RBFOX1: variants seen among roughly 807,000 people sequenced by gnomAD.
RBFOX1 encodes RNA binding fox-1 homolog 1.
Under a neutral mutation model 57.7 loss-of-function variants are expected in RBFOX1, and 8 were observed. The ratio of observed to expected loss-of-function variants is 0.14; its 90% CI spans 0.08 to 0.25. The LOEUF (loss-of-function observed/expected upper bound fraction) is 0.25. RBFOX1 is among the 10% of genes least tolerant of loss of function. The pLI is 1.00. For synonymous variants in RBFOX1, 326 were observed against 222.4 expected (o/e 1.47, Z -4.15); for missense variants, 611 against 548.5 (o/e 1.11, Z -1.14).
intron 4 of RBFOX1, among the ~76,000 whole-genome samples, chr16:5,920,043 C>G (rs924476616): frequency 6.6e-6 from 1 of 152,218 alleles, no homozygotes; most frequent in African/African-American, 2.4e-5. Flanking sequence ...ACGTCATTCT[C>G]CTGCCTCAGC....
chr16:5,957,246 G>C (rs2059661357), intron 4 of RBFOX1, among the ~76,000 whole-genome samples: 1 of 151,006 alleles, frequency 6.6e-6, no homozygotes, highest in African/African-American at 2.4e-5. Context: ...ACAGAGTCTT[G>C]GTCTGTTGCC....
chr16:6,824,407 C>G (rs1310568942), intron 3 of RBFOX1, among the ~76,000 whole-genome samples: 4 of 152,148 alleles, frequency 2.6e-5, no homozygotes, highest in African/African-American at 9.7e-5. Context: ...GATTCCATGT[C>G]AAAGACTGTA....
At chr16:6,203,229 C>T (rs927106337) in intron 1 of RBFOX1, among the ~76,000 whole-genome samples, 1 of 152,120 alleles carries the variant, frequency 6.6e-6, no homozygotes, top group African/African-American at 2.4e-5. Flanking sequence ...GCTTTGTACC[C>T]TTTGACTGAC....
chr16:5,955,829 TG>T (rs2059627696), intron 4 of RBFOX1, among the ~76,000 whole-genome samples: 1 of 152,206 alleles, frequency 6.6e-6, no homozygotes, highest in African/African-American at 2.4e-5. Context: ...CTAATATATA[TG>T]ACATGTTAAT....
chr16:7,001,398 T>TGTATATGTATATGTATA (rs2092782327), intron 3 of RBFOX1, among the ~76,000 whole-genome samples: 5 of 100,890 alleles, frequency 5.0e-5, no homozygotes, highest in Non-Finnish European at 4.2e-5. Flanking sequence ...GTATGTGTAT[T>TGTATATGTATATGTATA]TGTATATGTA....
At chr16:5,976,020 T>A (rs1213761245) in intron 4 of RBFOX1, among the ~76,000 whole-genome samples, 1 of 151,998 alleles carries the variant, frequency 6.6e-6, no homozygotes, top group Non-Finnish European at 1.5e-5. Flanking sequence ...GGCGTGTACC[T>A]GTAGTCCTAG....
At chr16:7,221,335 T>TTTTA (rs77683078) in intron 4 of RBFOX1, among the ~76,000 whole-genome samples, 42,649 of 148,940 alleles carry the variant, frequency 0.29, 7,646 homozygotes, top group East Asian at 0.66. Flanking sequence ...TATTCTTTAT[T>TTTTA]TTTATTTGAT....
intron 2 of RBFOX1, among the ~76,000 whole-genome samples, chr16:6,616,116 C>A (rs576112610): frequency 6.6e-6 from 1 of 152,132 alleles, no homozygotes; most frequent in Non-Finnish European, 1.5e-5. Flanking sequence ...ACTGAAGAAT[C>A]TTTTATAGGA....
At chr16:6,704,433 C>T (rs2062369781) in intron 3 of RBFOX1, 2 of 152,286 alleles carry the variant, frequency 1.3e-5, no homozygotes, top group South Asian at 4.1e-4. Flanking sequence ...CGTCTCTGCC[C>T]ACATGGCTCT....
chr16:7,431,776 C>A (rs1030957506), intron 4 of RBFOX1, among the ~76,000 whole-genome samples: 5 of 152,168 alleles, frequency 3.3e-5, no homozygotes, highest in Non-Finnish European at 5.9e-5. Context: ...CTGCTTTAGA[C>A]CCACATTACT....
intron 2 of RBFOX1, among the ~76,000 whole-genome samples, chr16:6,582,031 G>C (rs1438684148): frequency 6.6e-6 from 1 of 152,168 alleles, no homozygotes; most frequent in Non-Finnish European, 1.5e-5. Flanking sequence ...AGCCAGGGGT[G>C]CTGTACTGCT....
chr16:5,829,878 A>G (rs563051571), intron 3 of RBFOX1, among the ~76,000 whole-genome samples: 17 of 152,292 alleles, frequency 1.1e-4, no homozygotes, highest in Middle Eastern at 3.4e-3. Flanking sequence ...AGGGGGGAAG[A>G]AAAGGCCTTT....
intron 3 of RBFOX1, among the ~76,000 whole-genome samples, chr16:6,921,510 G>C (rs1190342649): frequency 2.0e-5 from 3 of 152,102 alleles, no homozygotes; most frequent in African/African-American, 7.2e-5. Context: ...TCAGCTTTCT[G>C]AGGTCACCCA....
chr16:6,641,963 T>C (rs1282744656), intron 2 of RBFOX1, among the ~76,000 whole-genome samples: 3 of 152,094 alleles, frequency 2.0e-5, no homozygotes, highest in Non-Finnish European at 1.5e-5. Flanking sequence ...CTGCGTTAAT[T>C]ATTCACAGGA....
chr16:7,099,270 G>A (rs775972919), intron 4 of RBFOX1, among the ~76,000 whole-genome samples: 13 of 152,148 alleles, frequency 8.5e-5, no homozygotes, highest in Admixed American at 6.5e-4. Context: ...GATCACTCTA[G>A]CTGCAGTGGG....
chr16:7,155,726 T>C (rs1277110232), intron 4 of RBFOX1, among the ~76,000 whole-genome samples: 10 of 100,940 alleles, frequency 9.9e-5, no homozygotes, highest in African/African-American at 4.7e-4. Context: ...TATATATATA[T>C]ATATATATAT....
At position 7,011,914 on chromosome 16, in the gene RBFOX1, C is replaced by G. The variant is rs571628884; in HGVS notation, c.-15-40143C>G. Among the ~76,000 whole-genome samples, 142 of 152,292 alleles carry G rather than the reference C, an allele frequency of 9.3e-4. 2 individuals are homozygous for G. Among genetic ancestry groups the G allele is most frequent in the African/African-American group, 3.3e-3 (138 of 41,564 alleles). On this transcript the variant is annotated intron_variant, in intron 3 of 15. Transcript: ENST00000550418. The stretch of plus-strand genomic sequence containing the variant: ...AAGTGGTATTGCATGCTCTTCCACC[C>G]CATCTTCTGCACATTTCTCTCTGGA...
chr16:5,915,389 C>T (rs2058682978), intron 4 of RBFOX1, among the ~76,000 whole-genome samples: 1 of 152,174 alleles, frequency 6.6e-6, no homozygotes, highest in African/African-American at 2.4e-5. Context: ...ACTAAAATGC[C>T]ACTCAACACT....
chr16:6,236,006 TA>T (rs915165488), intron 1 of RBFOX1, among the ~76,000 whole-genome samples: 4 of 151,686 alleles, frequency 2.6e-5, no homozygotes, highest in Non-Finnish European at 5.9e-5. Flanking sequence ...CCTATGGAAA[TA>T]AAAAAAATTC....
Sources: allele counts gnomAD v4.1 joint callset (sites outside exome capture counted in the v4.1 genomes callset), GRCh38; gene constraint gnomAD v4.1.1; transcripts MANE v1.5; gene names NCBI Gene and HGNC (gene_info 2026-07-23, HGNC 2026-07-21).